The following SLC35A3 variants were observed in gnomAD, a reference collection of about 807,000 sequenced individuals.
SLC35A3 encodes UDP-N-acetylglucosamine transporter.
A neutral mutation model predicts 39.0 loss-of-function variants in SLC35A3; 26 were observed. That is an observed-to-expected ratio of 0.67 (90% confidence interval 0.49 to 0.92). SLC35A3 has a LOEUF of 0.92. SLC35A3 is among the 40% of genes least tolerant of loss of function. The pLI, the probability that SLC35A3 is intolerant of heterozygous loss-of-function variation, is 0.00. For synonymous variants in SLC35A3, 135 were observed against 133.1 expected, an observed-to-expected ratio of 1.01 and a Z score of -0.10; for missense variants, 299 against 371.6, an observed-to-expected ratio of 0.80 and a Z score of 1.61.
rs116336182 is a variant in SLC35A3, at chr1:99,987,228, A to G, written c.-18-6309A>G. On this transcript the variant is annotated intron_variant, in intron 1 of 7. Coordinates refer to ENST00000533028, the MANE Select transcript of SLC35A3 (RefSeq NM_012243.3). ...CACTATTTTCGTCATTTTAAAGTGAAGAAATTATATTAGATGATTTCTAAA... is the reference window on the plus strand; with the variant it reads ...CACTATTTTCGTCATTTTAAAGTGAGGAAATTATATTAGATGATTTCTAAA... Among the ~76,000 whole-genome samples, 781 of 152,368 alleles carry G rather than the reference A, an allele frequency of 5.1e-3. 11 individuals are homozygous for G. The highest frequency in any genetic ancestry group is 0.018 in the African/African-American group (757 of 41,590).
chr1:100,016,720 G>C (rs532698470), intron 6 of SLC35A3, among the ~76,000 whole-genome samples: 1 of 152,048 alleles, frequency 6.6e-6, no homozygotes, highest in Non-Finnish European at 1.5e-5. Flanking sequence ...AAAGATAAGT[G>C]AAAATTTTAA....
intron 1 of SLC35A3, among the ~76,000 whole-genome samples, chr1:99,990,077 T>C (rs1316764032): frequency 6.6e-6 from 1 of 152,180 alleles, no homozygotes; most frequent in East Asian, 1.9e-4. Context: ...TTTTAATGTG[T>C]CCAGTTTATC....
At chr1:100,018,289 A>T (rs1660300045) in intron 7 of SLC35A3, among the ~76,000 whole-genome samples, 1 of 152,202 alleles carries the variant, frequency 6.6e-6, no homozygotes, top group Admixed American at 6.5e-5. Context: ...CTGTAGTTTT[A>T]TGGATGCTAA....
chr1:99,979,932 T>TA (rs1192545210), intron 1 of SLC35A3, among the ~76,000 whole-genome samples: 1 of 151,742 alleles, frequency 6.6e-6, no homozygotes, highest in Non-Finnish European at 1.5e-5. Context: ...TAATCCCAGC[T>TA]ACTCGGGACA....
intron 7 of SLC35A3, among the ~76,000 whole-genome samples, chr1:100,020,116 A>G (rs566816306): frequency 3.9e-4 from 60 of 152,334 alleles, no homozygotes; most frequent in African/African-American, 1.3e-3. Context: ...CAATGCAACA[A>G]TGGAAGTATA....
chr1:100,010,559 T>G (rs945472475), intron 4 of SLC35A3, among the ~76,000 whole-genome samples: 12 of 151,994 alleles, frequency 7.9e-5, no homozygotes, highest in Non-Finnish European at 1.6e-4. Flanking sequence ...TGGGTGTGGT[T>G]GTGTGCACCT....
chr1:99,999,486 G>A, intron 3 of SLC35A3, 71 bp downstream of exon 3: 1 of 1,000,790 alleles, frequency 1.0e-6, no homozygotes. Flanking sequence ...ATATATTTAT[G>A]GGGTACATGT....
intron 7 of SLC35A3, among the ~76,000 whole-genome samples, chr1:100,021,926 C>T (rs1244850746): frequency 6.6e-6 from 1 of 152,138 alleles, no homozygotes; most frequent in Non-Finnish European, 1.5e-5. Context: ...ATATTCCTTT[C>T]GTATGTTCAA....
At chr1:99,978,236 A>G (rs1657239054) in intron 1 of SLC35A3, among the ~76,000 whole-genome samples, 1 of 152,202 alleles carries the variant, frequency 6.6e-6, no homozygotes, top group Admixed American at 6.5e-5. Context: ...TTTTTAAAAC[A>G]GCAAAGAGGC....
At chr1:100,020,497 C>G (rs1332444506) in intron 7 of SLC35A3, among the ~76,000 whole-genome samples, 4 of 152,198 alleles carry the variant, frequency 2.6e-5, no homozygotes, top group Non-Finnish European at 5.9e-5. Context: ...AGATACATTA[C>G]AGGATGTTTT....
intron 1 of SLC35A3, among the ~76,000 whole-genome samples, chr1:99,982,809 TGAGAA>T (rs1443994275): frequency 6.6e-6 from 1 of 151,930 alleles, no homozygotes; most frequent in Non-Finnish European, 1.5e-5. Flanking sequence ...CCCCAAGAGG[TGAGAA>T]GAGATTTAAA....
chr1:99,975,439 G>C (rs1034538742), intron 1 of SLC35A3, among the ~76,000 whole-genome samples: 7 of 152,176 alleles, frequency 4.6e-5, no homozygotes, highest in African/African-American at 1.7e-4. Flanking sequence ...AAATTAGTCT[G>C]ATAAAATTTA....
chr1:99,970,418 C>T (rs866288202), intron 1 of SLC35A3: 12 of 667,292 alleles, frequency 1.8e-5, no homozygotes, highest in African/African-American at 9.1e-5. Context: ...AAAAAAGGCC[C>T]GAGGAGAGGG....
intron 2 of SLC35A3, among the ~76,000 whole-genome samples, chr1:99,995,062 G>A (rs982176392): frequency 4.6e-5 from 7 of 151,314 alleles, no homozygotes; most frequent in African/African-American, 1.7e-4. Context: ...AATAACTAAT[G>A]ATGATGAATT....
At chr1:99,997,499 G>A (rs1487062703) in intron 2 of SLC35A3, among the ~76,000 whole-genome samples, 4 of 108,660 alleles carry the variant, frequency 3.7e-5, no homozygotes, top group South Asian at 3.1e-4. Flanking sequence ...CACATACCAG[G>A]CACATTTTGG....
chr1:99,989,321 T>C (rs535047885), intron 1 of SLC35A3, among the ~76,000 whole-genome samples: 21 of 152,290 alleles, frequency 1.4e-4, no homozygotes, highest in Non-Finnish European at 2.1e-4. Context: ...TTTACTCTTG[T>C]TGCCCACACT....
In SLC35A3 at chr1:99,970,128, C is replaced by T. The variant is rs964341916; in HGVS notation, c.-53C>T. ...CCCGGCGGAGCTGAACCGCGGCCCC[C>T]GGTGGTGGGCTCAGCCGGTCGAGCT... On this transcript the variant is annotated 5_prime_UTR_variant, in exon 1 of 8. Coordinates refer to ENST00000533028, the MANE Select transcript of SLC35A3 (RefSeq NM_012243.3). 3 of 156,838 alleles carry T rather than the reference C, an allele frequency of 1.9e-5. No individual in the cohort carries two copies. Among genetic ancestry groups the T allele is most frequent in the Non-Finnish European group, 4.2e-5 (3 of 71,160 alleles). The allele number at this position is 156,838 out of a possible 1,614,324, so 9.7% of individuals were successfully genotyped here.
intron 6 of SLC35A3, among the ~76,000 whole-genome samples, chr1:100,015,963 A>G (rs1660076147): frequency 6.6e-6 from 1 of 152,160 alleles, no homozygotes. Context: ...AGAGCCTCCT[A>G]TTCTTCTAGA....
At position 99,976,847 on chromosome 1, in the gene SLC35A3, G is replaced by C. The variant is rs542581311; in HGVS notation, c.-19+6685G>C. ...GGAGGAGGGTAAGGATTGAAAAATT[G>C]CCTATTGGGTATTATGCTGATTACC... On this transcript the variant is annotated intron_variant, in intron 1 of 7. Coordinates refer to ENST00000533028, the MANE Select transcript of SLC35A3 (RefSeq NM_012243.3). Among the ~76,000 whole-genome samples, 10 of 152,218 alleles carry C rather than the reference G, an allele frequency of 6.6e-5. No homozygotes were observed. In the South Asian group the frequency reaches 2.1e-3, roughly 32 times the overall value.
Sources: gnomAD v4.1 joint callset for allele counts (sites outside exome capture counted in the v4.1 genomes callset) on GRCh38, gnomAD v4.1.1 for gene constraint, MANE v1.5 for transcripts, NCBI Gene and HGNC (gene_info 2026-07-23, HGNC 2026-07-21) for gene names.